Variants in RBM4B observed in about 807,000 individuals in gnomAD.
RBM4B encodes the protein RNA binding motif protein 4B, also known as RNA-binding protein 4B.
In RBM4B, 13 loss-of-function variants were observed where a neutral mutation model predicts 28.5. That is an observed-to-expected ratio of 0.46 (90% CI 0.30 to 0.72). RBM4B has a LOEUF of 0.72. RBM4B is among the 30% of genes least tolerant of loss of function. The pLI, the probability that RBM4B is intolerant of heterozygous loss-of-function variation, is 0.09. For missense variants in RBM4B, 387 were observed against 477.6 expected (o/e 0.81, Z 1.77); for synonymous variants, 167 against 179.1 (o/e 0.93, Z 0.54).
chr11:66,665,647 C>T, intron 3 of RBM4B, 69 bp from the exon 4 acceptor site: 3 of 1,534,600 alleles, frequency 2.0e-6, no homozygotes, highest in Non-Finnish European at 2.6e-6. Flanking sequence ...CGTACAAGCG[C>T]CCTGGGTCCT....
Position 66,665,697 on chromosome 11 carries a change from C to A in RBM4B, c.*10-119G>T, listed in dbSNP as rs1306019735. The A allele has an allele frequency of 3.4e-6, 5 of 1,484,482 alleles. No homozygotes were observed. The Admixed American group carries it at 8.5e-5, about 25-fold the overall frequency. 92.0% of individuals were successfully genotyped at this position (1,484,482 alleles called of 1,614,324 possible). On this transcript the variant is annotated intron_variant, in intron 3 of 3. Coordinates refer to ENST00000310046, the MANE Select transcript of RBM4B (RefSeq NM_031492.4). ...GGGGAAAAAAAAGAACAAAACAAAA[C>A]CAAGTCAGACTGGATCTAACTCATA...
At position 66,665,263 on chromosome 11, in the gene RBM4B, GAGA is replaced by G. The variant is rs1340761887; in HGVS notation, c.*322_*324del. ...AAAGGAGATGCTGCAGGTAGGCAGG[GAGA>G]AGGATTCAACTCCTAGGGAAAGCAA... On this transcript the variant is annotated 3_prime_UTR_variant, in exon 4 of 4. Coordinates refer to ENST00000310046, the MANE Select transcript of RBM4B (RefSeq NM_031492.4). 1.1e-5 allele frequency: 4 copies of G among 369,288 alleles called. No homozygotes were observed. Among genetic ancestry groups the G allele is most frequent in the African/African-American group, 6.3e-5 (3 of 47,446 alleles). The allele number at this position is 369,288 out of a possible 1,614,324, so 22.9% of individuals were successfully genotyped here.
At chr11:66,667,913 C>CCTA (rs1939305597) in intron 3 of RBM4B, 1 of 152,356 alleles carries the variant, frequency 6.6e-6, no homozygotes, top group Admixed American at 6.6e-5. Flanking sequence ...TGCTATGTTG[C>CCTA]CTAGGCTGGT....
intron 1 of RBM4B, 70 bp from the exon 2 acceptor site, chr11:66,677,161 C>G: frequency 1.3e-6 from 2 of 1,541,868 alleles, no homozygotes; most frequent in Non-Finnish European, 1.8e-6. Context: ...GCAGCATTTT[C>G]GTCTAATCCT....
intron 3 of RBM4B, chr11:66,666,076 CCAGT>C (rs1939221679): frequency 1.0e-6 from 1 of 999,858 alleles, no homozygotes; most frequent in East Asian, 2.6e-5. Context: ...CAAGGAGCAG[CCAGT>C]CATTCACCCA....
rs747809725 is a variant in RBM4B, at chr11:66,668,932, T to C, written c.772A>G (p.Thr258Ala). The C allele has an allele frequency of 5.0e-5, 80 of 1,614,056 alleles. No homozygotes were observed. Among genetic ancestry groups the C allele is most frequent in the Admixed American group, 6.7e-5 (4 of 59,996 alleles). Residue 258 changes from threonine (T) to alanine (A), a missense_variant, in exon 3 of 4, where the codon ACT becomes GCT. Around this residue, in one of 2 missense-constraint regions of RBM4B, gnomAD observed 226 missense variants for 220.6 expected, o/e 1.02. Coordinates refer to ENST00000310046, the MANE Select transcript of RBM4B (RefSeq NM_031492.4). ...GTAGAGTTGAGGTGGCTGGTCACAG[T>C]TGTGCTTTGGACTTGAGGCAGATGG... ...MSHLPQVQSTTVTSHLNSTSV... is the reference protein window; with the variant it reads ...MSHLPQVQSTAVTSHLNSTSV...
chr11:66,667,597 G>C (rs188312930), intron 3 of RBM4B: 5 of 152,234 alleles, frequency 3.3e-5, no homozygotes, highest in Admixed American at 2.0e-4. Flanking sequence ...TCAAGTAAAT[G>C]TCTTGGAAGT....
chr11:66,673,916 C>T (rs905784221), intron 2 of RBM4B, among the ~76,000 whole-genome samples: 1 of 152,122 alleles, frequency 6.6e-6, no homozygotes, highest in African/African-American at 2.4e-5. Flanking sequence ...AGAAAAAAAA[C>T]CAGAGCTAGT....
At chr11:66,668,399 C>G (rs1481103130) in intron 3 of RBM4B, 6 of 501,776 alleles carry the variant, frequency 1.2e-5, no homozygotes, top group Admixed American at 1.0e-4. Context: ...GTTGTTCTCT[C>G]AGAAGGAACA....
intron 2 of RBM4B, among the ~76,000 whole-genome samples, chr11:66,672,100 A>C (rs1449880419): frequency 6.6e-6 from 1 of 152,064 alleles, no homozygotes; most frequent in Non-Finnish European, 1.5e-5. Flanking sequence ...CGAGTTTAAA[A>C]AAATTTTTTC....
Position 66,665,432 on chromosome 11 carries a change from A to C in RBM4B, c.*156T>G. The C allele has an allele frequency of 1.4e-6, 1 of 691,028 alleles. No individual in the cohort carries two copies. Among genetic ancestry groups the C allele is most frequent in the South Asian group, 1.6e-5 (1 of 61,230 alleles). The allele number at this position is 691,028 out of a possible 1,614,324, so 42.8% of individuals were successfully genotyped here. A position where few individuals can be genotyped will look rare whatever the true frequency, so the allele number is the denominator to read the frequency against. ...AGGAGGAAAGAAAAGTCAACTTAGA[A>C]GAATTAAGAAAGAAAACATAGTTGG... On this transcript the variant is annotated 3_prime_UTR_variant, in exon 4 of 4. Transcript: ENST00000310046.
intron 2 of RBM4B, among the ~76,000 whole-genome samples, chr11:66,671,870 G>C (rs566600166): frequency 6.6e-6 from 1 of 152,204 alleles, no homozygotes; most frequent in African/African-American, 2.4e-5. Context: ...CTCCCGAGTA[G>C]CTGAGATTAC....
chr11:66,676,583 C>A, intron 2 of RBM4B, 85 bp downstream of exon 2: 1 of 1,460,898 alleles, frequency 6.8e-7, no homozygotes, highest in Non-Finnish European at 9.4e-7. Flanking sequence ...GAAGAGACCA[C>A]CCAGCAAGTT....
chr11:66,669,228 T>C lies in RBM4B; in HGVS notation c.476A>G (p.Gln159Arg). Residue 159 changes from glutamine (Q) to arginine (R), a missense_variant, in exon 3 of 4, where the codon CAG becomes CGG. Physicochemically the swap from Gln to Arg is conservative, Grantham distance 43. Around this residue, in one of 2 missense-constraint regions of RBM4B, gnomAD observed 161 missense variants for 256.9 expected, o/e 0.63. Transcript: ENST00000310046. ...RLRTAPGMGDQSGCYRCGKEG... is the reference protein window; with the variant it reads ...RLRTAPGMGDRSGCYRCGKEG... Reference sequence around the variant, plus strand: ...TTTCCCACACCGATAGCAGCCACTCTGGTCTCCCATACCAGGGGCAGTCCG... The same window carrying C: ...TTTCCCACACCGATAGCAGCCACTCCGGTCTCCCATACCAGGGGCAGTCCG... 6.2e-7 allele frequency: 1 copy of C among 1,614,214 alleles called. No individual in the cohort carries two copies. The highest frequency in any genetic ancestry group is 8.5e-7 in the Non-Finnish European group (1 of 1,180,036).
chr11:66,672,951 T>C (rs1473122080), intron 2 of RBM4B, among the ~76,000 whole-genome samples: 1 of 152,184 alleles, frequency 6.6e-6, no homozygotes, highest in Non-Finnish European at 1.5e-5. Context: ...AAGCTTAAAA[T>C]TTCCTGGGAC....
At position 66,668,671 on chromosome 11, in the gene RBM4B, A is replaced by AC; in HGVS notation, c.1032dup (p.Tyr345ValfsTer2). 1 of 1,614,022 alleles carries AC rather than the reference A, an allele frequency of 6.2e-7. No individual in the cohort carries two copies. The highest frequency in any genetic ancestry group is 8.5e-7 in the Non-Finnish European group (1 of 1,179,880). On this transcript the variant is annotated frameshift_variant, in exon 3 of 4. Coordinates refer to ENST00000310046, the MANE Select transcript of RBM4B (RefSeq NM_031492.4). LOFTEE classifies it high-confidence loss of function. ...CGGTCCACATACTGCTCCCGTTCAT[A>AC]CCGGGCCATGTCATACAGAGAATTC...
In RBM4B at chr11:66,668,789, T is replaced by C. The variant is rs1416105313; in HGVS notation, c.915A>G (p.Pro305=). The change falls in exon 3 of 4, where the codon CCA becomes CCG. Residue 305 remains proline, a synonymous_variant. Coordinates refer to ENST00000310046, the MANE Select transcript of RBM4B (RefSeq NM_031492.4). ...TSSYYGRDRS[P]LRRAAAMLPT... is the part of the protein sequence containing the mutation. ...GGAGCATGGCTGCAGCACGACGCAG[T>C]GGGCTCCTGTCCCTTCCATAGTAGG... 1 of 1,614,096 alleles carries C rather than the reference T, an allele frequency of 6.2e-7. No individual in the cohort carries two copies. The highest frequency in any genetic ancestry group is 1.1e-5 in the South Asian group (1 of 91,086).
At chr11:66,677,130 G>C (rs1461803297) in intron 1 of RBM4B, 39 bp from the exon 2 acceptor site, 2 of 1,589,672 alleles carry the variant, frequency 1.3e-6, no homozygotes, top group Non-Finnish European at 1.7e-6. Flanking sequence ...TCAGGGGTGT[G>C]GTGGGAAATT....
In RBM4B at chr11:66,669,024, C is replaced by T. The variant is rs764372966; in HGVS notation, c.680G>A (p.Arg227His). 14 of 1,614,084 alleles carry T rather than the reference C, an allele frequency of 8.7e-6. No homozygotes were observed. The highest frequency in any genetic ancestry group is 2.7e-5 in the African/African-American group (2 of 74,926). ...ALDYYKRYRVRSYEAVAAAAA... is the reference protein window; with the variant it reads ...ALDYYKRYRVHSYEAVAAAAA... Reference sequence around the variant, plus strand: ...CGCCGCTGCTACTGCCTCATAAGAGCGGACCCGGTATCGCTTATAGTAGTC... The same window carrying T: ...CGCCGCTGCTACTGCCTCATAAGAGTGGACCCGGTATCGCTTATAGTAGTC... Residue 227 changes from arginine to histidine, a missense_variant, in exon 3 of 4, where the codon CGC becomes CAC. Physicochemically the swap from Arg to His is conservative, Grantham distance 29. Transcript: ENST00000310046.
Sources: allele counts gnomAD v4.1 joint callset (sites outside exome capture counted in the v4.1 genomes callset), GRCh38; gene constraint gnomAD v4.1.1; regional missense constraint gnomAD v4.1.1; transcripts MANE v1.5; gene names NCBI Gene and HGNC (gene_info 2026-07-23, HGNC 2026-07-21).